ABCC3: variants seen among roughly 807,000 people sequenced by gnomAD.
ABCC3 encodes the protein ATP-binding cassette sub-family C member 3.
A neutral mutation model predicts 165.3 loss-of-function variants in ABCC3; 121 were observed. The ratio of observed to expected loss-of-function variants is 0.73; its 90% CI spans 0.63 to 0.85. The LOEUF is 0.85. ABCC3 is among the 40% of genes least tolerant of loss of function. The pLI is 0.00. For synonymous variants in ABCC3, 733 were observed against 810.1 expected (o/e 0.90, Z 1.62); for missense variants, 1,869 against 1,964.1 (o/e 0.95, Z 0.92).
Position 50,680,978 on chromosome 17 carries a change from A to G in ABCC3, c.3807+1079A>G, listed in dbSNP as rs560854402. Among the ~76,000 whole-genome samples, 9 of 152,242 alleles carry G rather than the reference A, an allele frequency of 5.9e-5. No homozygotes were observed. In the East Asian group the frequency reaches 1.7e-3, roughly 29 times the overall value. The stretch of plus-strand genomic sequence containing the variant: ...GTATTCCCAGCTACTTGGGAGTCCA[A>G]GGCAGGAGAATCGCTTGAACCCAGG... On this transcript the variant is annotated intron_variant, in intron 26 of 30. Transcript: ENST00000285238.
At chr17:50,670,177 G>A (rs960107930) in intron 17 of ABCC3, among the ~76,000 whole-genome samples, 6 of 152,008 alleles carry the variant, frequency 3.9e-5, no homozygotes, top group African/African-American at 1.2e-4. Flanking sequence ...CCACCTCCCG[G>A]GTTCAAGCAA....
intron 10 of ABCC3, chr17:50,664,835 T>C (rs945109013): frequency 3.6e-5 from 11 of 305,898 alleles, no homozygotes; most frequent in African/African-American, 2.4e-4. Context: ...CTATCCTTCC[T>C]GCAGAAGCCA....
intron 26 of ABCC3, among the ~76,000 whole-genome samples, chr17:50,682,718 G>A (rs1047744461): frequency 6.6e-6 from 1 of 152,146 alleles, no homozygotes; most frequent in African/African-American, 2.4e-5. Context: ...ATCACTTCTT[G>A]CGTTGTATAG....
intron 28 of ABCC3, 80 bp from the exon 29 acceptor site, chr17:50,684,629 C>A: frequency 6.9e-7 from 1 of 1,459,210 alleles, no homozygotes; most frequent in Non-Finnish European, 9.3e-7. Context: ...CTTAATCCCT[C>A]TCTTCTTCCC....
chr17:50,651,966 C>G (rs1269577421), intron 1 of ABCC3, among the ~76,000 whole-genome samples: 1 of 152,008 alleles, frequency 6.6e-6, no homozygotes, highest in African/African-American at 2.4e-5. Context: ...ATATTTAATC[C>G]CCAAAACTAT....
At position 50,692,096 on chromosome 17, in the gene ABCC3, C is replaced by A. The variant is rs1968134088; in HGVS notation, c.*896C>A. On this transcript the variant is annotated 3_prime_UTR_variant, in exon 31 of 31. Coordinates refer to ENST00000285238, the MANE Select transcript of ABCC3 (RefSeq NM_003786.4). ...AGACAGTTCCTATAACCAGTGAGGC[C>A]TCCAAGTCATTCATTTTCCTCAGTC... The A allele has an allele frequency of 6.6e-6, 1 of 152,238 alleles. No individual in the cohort carries two copies. The highest frequency in any genetic ancestry group is 1.5e-5 in the Non-Finnish European group (1 of 68,066). The allele number at this position is 152,238 out of a possible 1,614,324, so 9.4% of individuals were successfully genotyped here.
At chr17:50,667,313 G>C (rs1967544626) in intron 11 of ABCC3, among the ~76,000 whole-genome samples, 1 of 152,128 alleles carries the variant, frequency 6.6e-6, no homozygotes, top group Admixed American at 6.6e-5. Flanking sequence ...TGCTGCCTGG[G>C]GAGGCCGGTG....
At chr17:50,679,475 G>A (rs1174380048) in intron 25 of ABCC3, 2 of 185,360 alleles carry the variant, frequency 1.1e-5, no homozygotes, top group African/African-American at 2.4e-5. Flanking sequence ...AGAATCTCAG[G>A]TTCCAAGTCC....
intron 29 of ABCC3, among the ~76,000 whole-genome samples, chr17:50,685,611 C>T (rs775382431): frequency 3.7e-4 from 56 of 152,044 alleles, no homozygotes; most frequent in Non-Finnish European, 6.9e-4. Flanking sequence ...AAATATTTTG[C>T]GTTTCTTCCT....
chr17:50,673,983 TCTCTCTCTC>T lies in ABCC3; in HGVS notation c.2599+326_2599+334del, dbSNP rs1967728793. ...TTCTTTCTTTCTTTCTTTCTTTCTC[TCTCTCTCTC>T]TCTCTCTCTCTCTCTCTCTCTCTCT... is the stretch of plus-strand genomic sequence containing the variant. On this transcript the variant is annotated intron_variant, in intron 19 of 30. Transcript: ENST00000285238. Among the ~76,000 whole-genome samples the T allele has an allele frequency of 5.9e-3, 29 of 4,952 alleles. 5 individuals are homozygous for T. Among genetic ancestry groups the T allele is most frequent in the South Asian group, 0.012 (2 of 164 alleles). The allele number at this position is 4,952 out of a possible 152,430, so 3.2% of individuals were successfully genotyped here.
intron 26 of ABCC3, among the ~76,000 whole-genome samples, chr17:50,682,159 G>A (rs901081755): frequency 1.1e-4 from 17 of 151,856 alleles, no homozygotes; most frequent in Non-Finnish European, 2.4e-4. Context: ...CCCCACTCCC[G>A]GAAGAACTGC....
Position 50,675,787 on chromosome 17 carries a change from G to T in ABCC3, c.2859+12G>T, listed in dbSNP as rs772404612. 1.3e-6 allele frequency: 2 copies of T among 1,577,992 alleles called. No individual in the cohort carries two copies. Among genetic ancestry groups the T allele is most frequent in the East Asian group, 2.3e-5 (1 of 43,048 alleles). ...CAGCCATTGGCACTGTGAGTCGGTG[G>T]GGCAAGAGGGGCTGGAGGGGATGGA... On this transcript the variant is annotated intron_variant, in intron 21 of 30. Transcript: ENST00000285238.
In ABCC3 at chr17:50,659,229, C is replaced by A. The variant is rs763007677; in HGVS notation, c.675-8C>A. On this transcript the variant is annotated splice_polypyrimidine_tract_variant and splice_region_variant and intron_variant, in intron 6 of 30. Coordinates refer to ENST00000285238, the MANE Select transcript of ABCC3 (RefSeq NM_003786.4). ...CGGGGCTGCCTGCCGGGCTTCACCT[C>A]CCCCCAGGATGGCCATCTATGGCTA... 3.1e-6 allele frequency: 5 copies of A among 1,612,170 alleles called. No homozygotes were observed. The highest frequency in any genetic ancestry group is 1.7e-4 in the Middle Eastern group (1 of 5,962).
chr17:50,673,472 C>T lies in ABCC3; in HGVS notation c.2413C>T (p.Arg805Ter), dbSNP rs746171655. 2.2e-5 allele frequency: 36 copies of T among 1,613,760 alleles called. No homozygotes were observed. Among genetic ancestry groups the T allele is most frequent in the Non-Finnish European group, 3.0e-5 (35 of 1,179,812 alleles). Residue 805 changes from arginine to a stop codon, truncating the protein, a stop_gained, in exon 19 of 31, where the codon CGA becomes TGA. Transcript: ENST00000285238. LOFTEE classifies it high-confidence loss of function. ...GAGCCTGCTGCCTTCTCCCCAGACG[C>T]GAGTGCTGGTGACGCACGGCATTAG... ...GPEGVLAGKT[R>*]VLVTHGISFL...
intron 28 of ABCC3, 132 bp downstream of exon 28, chr17:50,684,239 C>A: frequency 8.1e-7 from 1 of 1,238,504 alleles, no homozygotes; most frequent in Non-Finnish European, 1.1e-6. Flanking sequence ...GGACAGACAG[C>A]AGGAAGCAGA....
At chr17:50,673,985 TCTCTCTCTCTCTC>T in intron 19 of ABCC3, among the ~76,000 whole-genome samples, 3 of 4,132 alleles carry the variant, frequency 7.3e-4, no homozygotes, top group East Asian at 8.1e-3. Flanking sequence ...TCTTTCTCTC[TCTCTCTCTCTCTC>T]TCTCTCTCTC....
rs745469650 is a variant in ABCC3, at chr17:50,663,991, G to T, written c.1218G>T (p.Val406=). The T allele has an allele frequency of 6.2e-7, 1 of 1,614,150 alleles. No homozygotes were observed. Among genetic ancestry groups the T allele is most frequent in the African/African-American group, 1.3e-5 (1 of 75,028 alleles). The change falls in exon 10 of 31, where the codon GTG becomes GTT. Residue 406 remains valine, a synonymous_variant. Coordinates refer to ENST00000285238, the MANE Select transcript of ABCC3 (RefSeq NM_003786.4). Reference sequence around the variant, plus strand: ...ACTCAGTCAAACGTGCGTCCACTGTGGGGGAAATTGTCAACCTCATGTCAG... The same window carrying T: ...ACTCAGTCAAACGTGCGTCCACTGTTGGGGAAATTGTCAACCTCATGTCAG... The part of the protein sequence containing the change: ...ITNSVKRAST[V]GEIVNLMSVD...
At chr17:50,671,783 G>A (rs946438793) in intron 17 of ABCC3, among the ~76,000 whole-genome samples, 23 of 144,014 alleles carry the variant, frequency 1.6e-4, no homozygotes, top group African/African-American at 5.4e-4. Context: ...GTACAGCGGC[G>A]TGATCTTGGC....
intron 1 of ABCC3, among the ~76,000 whole-genome samples, chr17:50,640,537 GAGA>G (rs1300007619): frequency 6.6e-6 from 1 of 152,192 alleles, no homozygotes; most frequent in Non-Finnish European, 1.5e-5. Flanking sequence ...TTGTGTTTTT[GAGA>G]AGGAGTCTCG....
Sources: gnomAD v4.1 joint callset for allele counts (sites outside exome capture counted in the v4.1 genomes callset) on GRCh38, gnomAD v4.1.1 for gene constraint, MANE v1.5 for transcripts, NCBI Gene and HGNC (gene_info 2026-07-23, HGNC 2026-07-21) for gene names.